GFAP: variants seen among roughly 807,000 people sequenced by gnomAD.
GFAP encodes glial fibrillary acidic protein.
GFAP carries 38 observed loss-of-function variants against 49.3 expected under a neutral mutation model. The ratio of observed to expected loss-of-function variants is 0.77; its 90% CI spans 0.60 to 1.01. The LOEUF (loss-of-function observed/expected upper bound fraction) is 1.01. Ranked by LOEUF, GFAP falls within the 50% of genes least tolerant of loss-of-function variation. GFAP has a pLI of 0.00. For synonymous variants in GFAP, 222 were observed against 236.4 expected (o/e 0.94, Z 0.56); for missense variants, 463 against 579.1 (o/e 0.80, Z 2.06).
At position 44,915,042 on chromosome 17, in the gene GFAP, C is replaced by G; in HGVS notation, c.445G>C (p.Ala149Pro). Residue 149 changes from alanine (A) to proline (P), a missense_variant, in exon 1 of 9, where the codon GCC (alanine) becomes CCC (proline). By Grantham distance (27) the Ala-to-Pro change is conservative. Coordinates refer to ENST00000588735, the MANE Select transcript of GFAP (RefSeq NM_002055.5). The surrounding 1 kb of genome is among the most constrained non-coding windows in gnomAD (Gnocchi z 4.1). ...VERDNLAQDL[A>P]TVRQKLQDET... is the part of the protein sequence containing the mutation. ...CCTCCTCACTTCTGCCTCACAGTGG[C>G]CAGGTCCTGTGCCAGATTGTCCCTC... 1 of 1,611,774 alleles carries G rather than the reference C, an allele frequency of 6.2e-7. No individual in the cohort carries two copies. The highest frequency in any genetic ancestry group is 1.1e-5 in the South Asian group (1 of 91,056).
chr17:44,910,083 G>A, intron 7 of GFAP: 2 of 1,612,976 alleles, frequency 1.2e-6, no homozygotes, highest in South Asian at 2.2e-5. Context: ...TGGGGTGGGT[G>A]AGGCTCACTC....
Position 44,913,280 on chromosome 17 carries a change from AC to A in GFAP, c.768del (p.Trp256CysfsTer9), listed in dbSNP as rs2051814955. The A allele has an allele frequency of 6.2e-7, 1 of 1,614,054 alleles. No individual in the cohort carries two copies. The highest frequency in any genetic ancestry group is 1.7e-5 in the Admixed American group (1 of 60,004). Reference protein sequence around the residue: ...ASSNMHEAEEWYRSKFADLTD... With the variant: ...ASSNMHEAEEXYRSKFADLTD... ...ACAGGCAGGGCTACCTTGGAGCGGT[AC>A]CACTCTTCGGCTTCATGCATGTTGC... On this transcript the variant is annotated frameshift_variant, in exon 4 of 9. Coordinates refer to ENST00000588735, the MANE Select transcript of GFAP (RefSeq NM_002055.5). LOFTEE classifies it high-confidence loss of function.
chr17:44,911,622 G>A (rs1173839327), intron 5 of GFAP, 50 bp downstream of exon 5: 5 of 1,602,654 alleles, frequency 3.1e-6, no homozygotes, highest in Non-Finnish European at 4.2e-6. Flanking sequence ...CATCTCCTGG[G>A]GTGGCCGTCC....
chr17:44,910,986 T>C, intron 6 of GFAP: 1 of 607,700 alleles, frequency 1.6e-6, no homozygotes, highest in Non-Finnish European at 2.9e-6. Context: ...GGAGTATGCC[T>C]CTTAGTTTGG....
chr17:44,911,563 C>T, intron 5 of GFAP, 107 bp from the exon 6 acceptor site: 2 of 1,570,762 alleles, frequency 1.3e-6, no homozygotes, highest in Non-Finnish European at 1.7e-6. Context: ...GGGTAACGTT[C>T]AGGCCCCGCC....
rs557759047 is a variant in GFAP at position 44,903,503 on chromosome 17, G to A, written c.*3844C>T. The A allele has an allele frequency of 2.3e-5, 30 of 1,280,534 alleles. No homozygotes were observed. Among genetic ancestry groups the A allele is most frequent in the Middle Eastern group, 3.0e-4 (1 of 3,388 alleles). 79.3% of individuals were successfully genotyped at this position (1,280,534 alleles called of 1,614,324 possible). A position where few individuals can be genotyped will look rare whatever the true frequency, so the allele number is the denominator to read the frequency against. ...AGAGATCTCCCTGCCCGAGCACCTC[G>A]GCCCGCCCTTCTCATTCCGGTTTCC... On this transcript the variant is annotated 3_prime_UTR_variant, in exon 9 of 9. Transcript: ENST00000588735.
In GFAP at chr17:44,913,723, C is replaced by T. The variant is rs757956378; in HGVS notation, c.618+5G>A. ...TGAGCTTTCCTCCCTCTGCCCTGGC[C>T]TCACCTCCTCGTGGATCTTCCTCAA... On this transcript the variant is annotated splice_donor_5th_base_variant and intron_variant, in intron 3 of 8. Coordinates refer to ENST00000588735, the MANE Select transcript of GFAP (RefSeq NM_002055.5). 6.2e-7 allele frequency: 1 copy of T among 1,607,168 alleles called. No individual in the cohort carries two copies. The highest frequency in any genetic ancestry group is 1.7e-5 in the Admixed American group (1 of 60,026).
rs1479610037 is a variant in GFAP at position 44,907,327 on chromosome 17, G to A, written c.*20C>T. ...GGGCCCCTCATGAGACGGGGCAGAGGCCACCAGGTGGGTCCTGCCTCACAT... is the reference window on the plus strand; with the variant it reads ...GGGCCCCTCATGAGACGGGGCAGAGACCACCAGGTGGGTCCTGCCTCACAT... On this transcript the variant is annotated 3_prime_UTR_variant, in exon 9 of 9. Coordinates refer to ENST00000588735, the MANE Select transcript of GFAP (RefSeq NM_002055.5). 6.2e-7 allele frequency: 1 copy of A among 1,612,134 alleles called. No homozygotes were observed. The highest frequency in any genetic ancestry group is 8.5e-7 in the Non-Finnish European group (1 of 1,178,254).
In GFAP at chr17:44,905,108, A is replaced by G. The variant is rs927635619; in HGVS notation, c.*2239T>C. ...AGCTCTGAAGACCAGTTGTCCTTCAATGTGTTTGTTAAATGATACCAGATG... is the reference window on the plus strand; with the variant it reads ...AGCTCTGAAGACCAGTTGTCCTTCAGTGTGTTTGTTAAATGATACCAGATG... On this transcript the variant is annotated 3_prime_UTR_variant, in exon 9 of 9. Coordinates refer to ENST00000588735, the MANE Select transcript of GFAP (RefSeq NM_002055.5). The G allele has an allele frequency of 2.4e-5, 35 of 1,456,426 alleles. No homozygotes were observed. The highest frequency in any genetic ancestry group is 3.1e-5 in the Non-Finnish European group (34 of 1,080,090). 90.2% of individuals were successfully genotyped at this position (1,456,426 alleles called of 1,614,324 possible). A position where few individuals can be genotyped will look rare whatever the true frequency, so the allele number is the denominator to read the frequency against.
Position 44,904,896 on chromosome 17 carries a change from G to T in GFAP, c.*2451C>A, listed in dbSNP as rs770650702. The stretch of plus-strand genomic sequence containing the variant: ...CAGGGTGTGCTAGTTGCTGGCTTCC[G>T]GCTGGGTGTGACATCTCATGGGCAC... On this transcript the variant is annotated 3_prime_UTR_variant, in exon 9 of 9. Transcript: ENST00000588735. The T allele has an allele frequency of 3.9e-6, 6 of 1,550,522 alleles. No individual in the cohort carries two copies. The highest frequency in any genetic ancestry group is 5.2e-6 in the Non-Finnish European group (6 of 1,146,962).
At chr17:44,910,839 G>A (rs1176996145) in intron 6 of GFAP, 181 bp from the exon 7 acceptor site, 4 of 795,292 alleles carry the variant, frequency 5.0e-6, no homozygotes, top group Admixed American at 5.5e-5. Context: ...CGTCTGCAAG[G>A]GGCTTGAGTG....
rs772287086 is a variant in GFAP at position 44,908,236 on chromosome 17, C to T, written c.1172-87G>A. 6.7e-6 allele frequency: 6 copies of T among 890,050 alleles called. No individual in the cohort carries two copies. In the South Asian group the frequency reaches 7.9e-5, roughly 12 times the overall value. The allele number at this position is 890,050 out of a possible 1,614,324, so 55.1% of individuals were successfully genotyped here. ...TGCCCGGCTTCCCCATCGCACCCCC[C>T]TCCCCATCATGAGTATGAGAACCTA... On this transcript the variant is annotated intron_variant, in intron 7 of 8. Coordinates refer to ENST00000588735, the MANE Select transcript of GFAP (RefSeq NM_002055.5).
Position 44,911,659 on chromosome 17 carries a change from T to TG in GFAP, c.906+12dup. 6.2e-7 allele frequency: 1 copy of TG among 1,611,430 alleles called. No individual in the cohort carries two copies. The highest frequency in any genetic ancestry group is 1.1e-5 in the South Asian group (1 of 91,052). The stretch of plus-strand genomic sequence containing the variant: ...TGCTCCGCCCGTCCCCGTCCTGCCC[T>TG]GGCCGCGCTCACCGTGCCGCGCAGA... On this transcript the variant is annotated intron_variant, in intron 5 of 8. Transcript: ENST00000588735.
intron 1 of GFAP, chr17:44,914,375 A>C (rs78435425): frequency 4.9e-4 from 189 of 386,616 alleles, no homozygotes; most frequent in South Asian, 1.5e-3. Context: ...GCACACACAC[A>C]CACACACACG....
At position 44,910,657 on chromosome 17, in the gene GFAP, T is replaced by C; in HGVS notation, c.1129A>G (p.Ile377Val). ...GAGAAGGTCTGCACGGGAATGGTGATCCTGAAAGAAAGCAGAGGGAGAGGG... is the reference window on the plus strand; with the variant it reads ...GAGAAGGTCTGCACGGGAATGGTGACCCTGAAAGAAAGCAGAGGGAGAGGG... ...RKLLEGEENRITIPVQTFSNL... is the reference protein window; with the variant it reads ...RKLLEGEENRVTIPVQTFSNL... The change falls in exon 7 of 9, where the codon ATC becomes GTC. Residue 377 changes from isoleucine to valine, a missense_variant and splice_region_variant. Physicochemically the swap from Ile to Val is conservative, Grantham distance 29. Coordinates refer to ENST00000588735, the MANE Select transcript of GFAP (RefSeq NM_002055.5). The C allele has an allele frequency of 6.3e-7, 1 of 1,586,866 alleles. No homozygotes were observed. The highest frequency in any genetic ancestry group is 1.2e-5 in the South Asian group (1 of 86,750).
In GFAP at chr17:44,911,459, G is replaced by A. The variant is rs2051763418; in HGVS notation, c.907-3C>T. The A allele has an allele frequency of 6.2e-7, 1 of 1,601,732 alleles. No individual in the cohort carries two copies. The highest frequency in any genetic ancestry group is 8.5e-7 in the Non-Finnish European group (1 of 1,174,502). Reference sequence around the variant, plus strand: ...ATCTGCCTCTCCAGGGACTCGTTCTGTGGGATGGAGCCGGCCGGTCCCGCG... The same window carrying A: ...ATCTGCCTCTCCAGGGACTCGTTCTATGGGATGGAGCCGGCCGGTCCCGCG... On this transcript the variant is annotated splice_region_variant and splice_polypyrimidine_tract_variant and intron_variant, in intron 5 of 8. Coordinates refer to ENST00000588735, the MANE Select transcript of GFAP (RefSeq NM_002055.5).
intron 7 of GFAP, chr17:44,908,648 G>A (rs1346106738): frequency 6.5e-6 from 1 of 153,022 alleles, no homozygotes; most frequent in Non-Finnish European, 1.5e-5. Context: ...ATCGCCTGAG[G>A]TCAGGAGTTT....
chr17:44,907,822 A>G, intron 8 of GFAP: 1 of 608,990 alleles, frequency 1.6e-6, no homozygotes, highest in South Asian at 1.9e-5. Flanking sequence ...TGAGAAAGAG[A>G]GAGTGTGTAT....
chr17:44,911,319 C>T lies in GFAP; in HGVS notation c.1044G>A (p.Glu348=). The T allele has an allele frequency of 3.1e-6, 5 of 1,614,156 alleles. No individual in the cohort carries two copies. Among genetic ancestry groups the T allele is most frequent in the East Asian group, 4.5e-5 (2 of 44,886 alleles). The change falls in exon 6 of 9, where the codon GAG becomes GAA. Residue 348 remains glutamate (E), a synonymous_variant. Coordinates refer to ENST00000588735, the MANE Select transcript of GFAP (RefSeq NM_002055.5). ...LKDEMARHLQ[E]YQDLLNVKLA... ...GCTTGACATTGAGCAGGTCCTGGTA[C>T]TCCTGCAAGTGGCGGGCCATCTCGT...
Sources: allele counts gnomAD v4.1 joint callset, GRCh38; gene constraint gnomAD v4.1.1; non-coding constraint Gnocchi (gnomAD v3.1); transcripts MANE v1.5; gene names NCBI Gene and HGNC (gene_info 2026-07-23, HGNC 2026-07-21).